The following PRKCI variants were observed in gnomAD, a reference collection of about 807,000 sequenced individuals.
The protein encoded by PRKCI is protein kinase C iota, also known as protein kinase C iota type.
PRKCI carries 43 observed loss-of-function variants against 84.0 expected under a neutral mutation model. The ratio of observed to expected loss-of-function variants is 0.51; its 90% CI spans 0.40 to 0.66. The LOEUF (loss-of-function observed/expected upper bound fraction) is 0.66, where lower values mean the gene tolerates loss of function less well. PRKCI is among the 30% of genes least tolerant of loss of function. PRKCI has a pLI of 0.00. For missense variants in PRKCI, 459 were observed against 745.6 expected (o/e 0.62, Z 4.48); for synonymous variants, 216 against 234.4 (o/e 0.92, Z 0.72).
intron 7 of PRKCI, among the ~76,000 whole-genome samples, chr3:170,273,829 G>A (rs201933780): frequency 0.019 from 2,418 of 128,540 alleles, 44 homozygotes; most frequent in East Asian, 0.1. Context: ...AAGAGAGAGA[G>A]AAAAAAAAAA....
chr3:170,270,202 T>G (rs1733964243), intron 5 of PRKCI, among the ~76,000 whole-genome samples: 1 of 152,222 alleles, frequency 6.6e-6, no homozygotes, highest in East Asian at 1.9e-4. Flanking sequence ...AGAAATGTGG[T>G]TGCAGATTTC....
intron 8 of PRKCI, among the ~76,000 whole-genome samples, chr3:170,276,257 T>C (rs1427431513): frequency 1.3e-5 from 2 of 151,992 alleles, no homozygotes; most frequent in Admixed American, 1.3e-4. Flanking sequence ...GAAACATAAA[T>C]AAAAGTAAAC....
chr3:170,249,405 G>C (rs900271884), intron 2 of PRKCI, among the ~76,000 whole-genome samples: 3 of 152,064 alleles, frequency 2.0e-5, no homozygotes, highest in Non-Finnish European at 4.4e-5. Context: ...AGAAAGGAGA[G>C]AGAGAGAGAG....
At position 170,304,717 on chromosome 3, in the gene PRKCI, G is replaced by A. The variant is rs537628749; in HGVS notation, c.*1590G>A. 3.6e-4 allele frequency: 55 copies of A among 152,106 alleles called. No homozygotes were observed. Among genetic ancestry groups the A allele is most frequent in the African/African-American group, 1.2e-3 (51 of 41,526 alleles). 9.4% of individuals were successfully genotyped at this position (152,106 alleles called of 1,614,324 possible). A position where few individuals can be genotyped will look rare whatever the true frequency, so the allele number is the denominator to read the frequency against. ...GTTCAGCAGCTTATTATTTAAAGGGGTGCCAAATATAGCATCCTTCTGTTG... is the reference window on the plus strand; with the variant it reads ...GTTCAGCAGCTTATTATTTAAAGGGATGCCAAATATAGCATCCTTCTGTTG... On this transcript the variant is annotated 3_prime_UTR_variant, in exon 18 of 18. Transcript: ENST00000295797.
intron 13 of PRKCI, 132 bp from the exon 14 acceptor site, chr3:170,293,251 C>A: frequency 1.3e-6 from 1 of 756,038 alleles, no homozygotes. Flanking sequence ...TCAGTGCCTA[C>A]CATGATAGTT....
chr3:170,231,239 G>A (rs1319158190), intron 1 of PRKCI, among the ~76,000 whole-genome samples: 1 of 151,916 alleles, frequency 6.6e-6, no homozygotes, highest in Admixed American at 6.6e-5. Context: ...GAGATTACAG[G>A]CTTGAGCCAC....
chr3:170,229,222 A>G (rs939946284), intron 1 of PRKCI, among the ~76,000 whole-genome samples: 2 of 152,200 alleles, frequency 1.3e-5, no homozygotes, highest in Admixed American at 6.6e-5. Context: ...ATTTCCACAC[A>G]TGCATCTGCA....
intron 11 of PRKCI, 75 bp downstream of exon 11, chr3:170,282,043 A>G (rs1734261778): frequency 4.1e-6 from 6 of 1,453,882 alleles, no homozygotes; most frequent in Non-Finnish European, 5.6e-6. Flanking sequence ...GGTTGGAAAC[A>G]GTAGATAAAT....
chr3:170,241,406 A>G (rs140104200), intron 2 of PRKCI, among the ~76,000 whole-genome samples: 1,854 of 152,124 alleles, frequency 0.012, 38 homozygotes, highest in African/African-American at 0.042. Context: ...TTTAGATTCC[A>G]TATATCATGT....
At chr3:170,226,922 C>T (rs1732640728) in intron 1 of PRKCI, among the ~76,000 whole-genome samples, 1 of 152,064 alleles carries the variant, frequency 6.6e-6, no homozygotes, top group African/African-American at 2.4e-5. Flanking sequence ...CCAAACCAAA[C>T]ACAAAAAACC....
rs766502265 is a variant in PRKCI, at chr3:170,303,175, T to C, written c.*48T>C. The C allele has an allele frequency of 1.4e-6, 2 of 1,402,682 alleles. No homozygotes were observed. Among genetic ancestry groups the C allele is most frequent in the East Asian group, 2.4e-5 (1 of 42,062 alleles). 86.9% of individuals were successfully genotyped at this position (1,402,682 alleles called of 1,614,324 possible). ...TCTACTCATGTTGCCATTTAATGCA[T>C]GGATAAACTTGCTGCAAGCCTGGAT... On this transcript the variant is annotated 3_prime_UTR_variant, in exon 18 of 18. Transcript: ENST00000295797.
At chr3:170,240,893 T>A (rs1450762022) in intron 2 of PRKCI, among the ~76,000 whole-genome samples, 1 of 152,228 alleles carries the variant, frequency 6.6e-6, no homozygotes, top group Non-Finnish European at 1.5e-5. Flanking sequence ...AAAACTGGTT[T>A]GCTTAATCTA....
Position 170,303,858 on chromosome 3 carries a change from A to G in PRKCI, c.*731A>G, listed in dbSNP as rs143395024. On this transcript the variant is annotated 3_prime_UTR_variant, in exon 18 of 18. Transcript: ENST00000295797. ...CTAAAAATACAAAAATTAGCTGGGC[A>G]TGGTGGCACATACCTGTAATCCCAG... The G allele has an allele frequency of 0.012, 2,151 of 174,518 alleles. 21 individuals are homozygous for G. Among genetic ancestry groups the G allele is most frequent in the East Asian group, 0.023 (226 of 9,848 alleles). 10.8% of individuals were successfully genotyped at this position (174,518 alleles called of 1,614,324 possible). A position where few individuals can be genotyped will look rare whatever the true frequency, so the allele number is the denominator to read the frequency against.
rs777394724 is a variant in PRKCI, at chr3:170,281,885, G to C, written c.984G>C (p.Leu328Phe). 1 of 1,592,730 alleles carries C rather than the reference G, an allele frequency of 6.3e-7. No homozygotes were observed. ...LHSCFQTESR[L>F]FFVIEYVNGG... ...TGGGTTCTCTCCTGTGTTTTAGATT[G>C]TTCTTTGTTATAGAGTATGTAAATG... Residue 328 changes from leucine (L) to phenylalanine (F), a missense_variant, in exon 11 of 18, where the codon TTG becomes TTC. Leu to Phe is a conservative substitution (Grantham distance 22). Around this residue, in one of 2 missense-constraint regions of PRKCI, gnomAD observed 209 missense variants for 425.9 expected, o/e 0.49. Transcript: ENST00000295797.
chr3:170,240,947 C>T (rs556480328), intron 2 of PRKCI, among the ~76,000 whole-genome samples: 7 of 152,266 alleles, frequency 4.6e-5, no homozygotes, highest in Admixed American at 2.0e-4. Context: ...ACCATCATGC[C>T]ACACTCCTCT....
chr3:170,286,902 T>C (rs1332992470), intron 12 of PRKCI, among the ~76,000 whole-genome samples: 1 of 151,642 alleles, frequency 6.6e-6, no homozygotes, highest in Non-Finnish European at 1.5e-5. Flanking sequence ...ATTTAGATAA[T>C]CTCCAGGCTC....
intron 17 of PRKCI, among the ~76,000 whole-genome samples, chr3:170,299,808 T>A (rs971565263): frequency 2.0e-5 from 3 of 152,214 alleles, no homozygotes; most frequent in Non-Finnish European, 4.4e-5. Context: ...CTGCACTGTT[T>A]CCCATTTGAC....
chr3:170,285,656 T>G (rs1250907103), intron 12 of PRKCI, among the ~76,000 whole-genome samples: 1 of 152,194 alleles, frequency 6.6e-6, no homozygotes, highest in Non-Finnish European at 1.5e-5. Flanking sequence ...TCAGCATGCA[T>G]TAAAGAATAA....
chr3:170,293,338 G>A, intron 13 of PRKCI, 45 bp from the exon 14 acceptor site: 1 of 1,541,820 alleles, frequency 6.5e-7, no homozygotes, highest in South Asian at 1.2e-5. Flanking sequence ...TAACTTTCAA[G>A]AATGCAAAGT....
Sources: allele counts gnomAD v4.1 joint callset (sites outside exome capture counted in the v4.1 genomes callset), GRCh38; gene constraint gnomAD v4.1.1; regional missense constraint gnomAD v4.1.1; transcripts MANE v1.5; gene names NCBI Gene and HGNC (gene_info 2026-07-23, HGNC 2026-07-21).